ITGB1: variants seen among roughly 807,000 people sequenced by gnomAD.
ITGB1 encodes integrin beta-1.
In ITGB1, 24 loss-of-function variants were observed where a neutral mutation model predicts 86.5. The ratio of observed to expected loss-of-function variants is 0.28; its 90% CI spans 0.20 to 0.39. The LOEUF is 0.39. Ranked by LOEUF, ITGB1 falls within the 10% of genes least tolerant of loss-of-function variation. The pLI is 1.00. For missense variants in ITGB1, 556 were observed against 946.9 expected, an observed-to-expected ratio of 0.59 and a Z score of 5.42; for synonymous variants, 323 against 316.8, an observed-to-expected ratio of 1.02 and a Z score of -0.21.
chr10:32,926,226 A>AT lies in ITGB1; in HGVS notation c.548-118dup, dbSNP rs1182592376. On this transcript the variant is annotated intron_variant, in intron 5 of 15. Transcript: ENST00000302278. ...CCAAATGTAGGTTACTATGGACTGA[A>AT]TGTCTGTGTTACCCCAAAATTCCTA... is the stretch of plus-strand genomic sequence containing the variant. 52 of 762,066 alleles carry AT rather than the reference A, an allele frequency of 6.8e-5. No homozygotes were observed. In the African/African-American group the frequency reaches 8.3e-4, roughly 12 times the overall value. The allele number at this position is 762,066 out of a possible 1,614,324, so 47.2% of individuals were successfully genotyped here. A position where few individuals can be genotyped will look rare whatever the true frequency, so the allele number is the denominator to read the frequency against.
intron 1 of ITGB1, chr10:32,944,969 C>A: frequency 1.9e-6 from 2 of 1,070,968 alleles, no homozygotes; most frequent in South Asian, 1.3e-5. Context: ...AACTAAAGTT[C>A]CACAAAGAAG....
At chr10:32,927,997 AGTATGTT>A in intron 5 of ITGB1, 90 bp downstream of exon 5, 2 of 732,522 alleles carry the variant, frequency 2.7e-6, no homozygotes, top group Non-Finnish European at 4.5e-6. Context: ...TTATCTCACA[AGTATGTT>A]GTGAGTAACA....
intron 1 of ITGB1, chr10:32,953,884 GA>G (rs2095047306): frequency 1.3e-5 from 2 of 152,062 alleles, no homozygotes; most frequent in African/African-American, 4.8e-5. Flanking sequence ...CCAATCACTG[GA>G]AAAACCCAGA....
intron 3 of ITGB1, among the ~76,000 whole-genome samples, chr10:32,931,959 C>T (rs550642392): frequency 6.6e-6 from 1 of 152,086 alleles, no homozygotes; most frequent in South Asian, 2.1e-4. Context: ...AAAATCCAAA[C>T]CCTAATTAAC....
chr10:32,957,189 CAG>C (rs1259235503), intron 1 of ITGB1, among the ~76,000 whole-genome samples: 2 of 152,184 alleles, frequency 1.3e-5, no homozygotes, highest in Admixed American at 1.3e-4. Flanking sequence ...TCCTATTTCA[CAG>C]ATGAGGAAAC....
chr10:32,930,016 G>T lies in ITGB1; in HGVS notation c.182C>A (p.Ser61Tyr), dbSNP rs1186477632. ...GGCTTCTAAATCATCACATCGTGCAGAAGTAGGCATTCCTTCCTGTAAAAA... is the reference window on the plus strand; with the variant it reads ...GGCTTCTAAATCATCACATCGTGCATAAGTAGGCATTCCTTCCTGTAAAAA... ...STFLQEGMPTSARCDDLEALK... is the reference protein window; with the variant it reads ...STFLQEGMPTYARCDDLEALK... Residue 61 changes from serine (S) to tyrosine (Y), a missense_variant, in exon 4 of 16, where the codon TCT (serine) becomes TAT (tyrosine). Physicochemically the swap from Ser to Tyr is moderately radical, Grantham distance 144. Around this residue, in one of 4 missense-constraint regions of ITGB1, gnomAD observed 183 missense variants for 263.9 expected, o/e 0.69. Transcript: ENST00000302278. 3 of 919,508 alleles carry T rather than the reference G, an allele frequency of 3.3e-6. No homozygotes were observed. In the African/African-American group the frequency reaches 4.8e-5, roughly 15 times the overall value. The allele number at this position is 919,508 out of a possible 1,614,324, so 57.0% of individuals were successfully genotyped here.
intron 1 of ITGB1, among the ~76,000 whole-genome samples, chr10:32,937,165 A>G (rs1349458153): frequency 6.6e-6 from 1 of 152,230 alleles, no homozygotes; most frequent in Non-Finnish European, 1.5e-5. Flanking sequence ...TATTCACAAG[A>G]GCAAAAATGT....
At chr10:32,910,823 G>T (rs530466597) in intron 13 of ITGB1, among the ~76,000 whole-genome samples, 3 of 151,998 alleles carry the variant, frequency 2.0e-5, no homozygotes, top group Admixed American at 6.6e-5. Flanking sequence ...TTGGCTCACT[G>T]TAACCTCTGC....
At chr10:32,911,358 T>C (rs531620730) in intron 13 of ITGB1, 90 bp downstream of exon 13, 254 of 1,081,722 alleles carry the variant, frequency 2.3e-4, no homozygotes, top group Non-Finnish European at 3.4e-4. Context: ...TATATTTTAA[T>C]ATTGGCACTG....
intron 4 of ITGB1, among the ~76,000 whole-genome samples, chr10:32,928,931 G>A (rs1175423315): frequency 6.6e-6 from 1 of 151,964 alleles, no homozygotes; most frequent in Non-Finnish European, 1.5e-5. Flanking sequence ...ATTTTAACTT[G>A]TAGTTTTCTC....
chr10:32,933,951 C>A (rs1049354907), intron 2 of ITGB1, among the ~76,000 whole-genome samples: 2 of 152,080 alleles, frequency 1.3e-5, no homozygotes, highest in Admixed American at 6.6e-5. Flanking sequence ...GTGCACAGTT[C>A]ACACATGCTT....
intron 11 of ITGB1, among the ~76,000 whole-genome samples, chr10:32,917,524 T>C (rs2094935810): frequency 6.6e-6 from 1 of 152,054 alleles, no homozygotes; most frequent in Non-Finnish European, 1.5e-5. Flanking sequence ...CACCAAAAAG[T>C]GGGAGAAGGA....
chr10:32,938,060 T>C (rs563346592), intron 1 of ITGB1, among the ~76,000 whole-genome samples: 247 of 152,380 alleles, frequency 1.6e-3, no homozygotes, highest in African/African-American at 5.1e-3. Flanking sequence ...ATGCCTGAGC[T>C]TGCAGTTTTG....
chr10:32,928,421 TG>T (rs1265158250), intron 4 of ITGB1, among the ~76,000 whole-genome samples, 157 bp from the exon 5 acceptor site: 2 of 152,358 alleles, frequency 1.3e-5, no homozygotes, highest in East Asian at 3.9e-4. Flanking sequence ...AGTAACTCAA[TG>T]GGTATGTATT....
intron 1 of ITGB1, among the ~76,000 whole-genome samples, chr10:32,947,883 A>G (rs777168010): frequency 2.5e-4 from 38 of 152,220 alleles, no homozygotes; most frequent in Non-Finnish European, 4.4e-4. Flanking sequence ...GATACACATA[A>G]AACATTTAAA....
chr10:32,930,466 G>T (rs184783874), intron 3 of ITGB1, among the ~76,000 whole-genome samples: 3 of 152,036 alleles, frequency 2.0e-5, no homozygotes, highest in Non-Finnish European at 4.4e-5. Flanking sequence ...TCTCCCCATC[G>T]CAATATGCTG....
chr10:32,937,425 A>G (rs1007752882), intron 1 of ITGB1, among the ~76,000 whole-genome samples: 1 of 152,048 alleles, frequency 6.6e-6, no homozygotes, highest in East Asian at 1.9e-4. Flanking sequence ...GTGTGGTGGC[A>G]TACTCCTGTA....
chr10:32,929,267 A>C (rs1267331354), intron 4 of ITGB1, among the ~76,000 whole-genome samples: 1 of 151,862 alleles, frequency 6.6e-6, no homozygotes, highest in Non-Finnish European at 1.5e-5. Flanking sequence ...GAGCTTTGCT[A>C]GAGCAGGATG....
At chr10:32,939,461 C>G (rs552159300) in intron 1 of ITGB1, among the ~76,000 whole-genome samples, 3 of 152,162 alleles carry the variant, frequency 2.0e-5, no homozygotes, top group Non-Finnish European at 4.4e-5. Flanking sequence ...TTACACAAAC[C>G]GAGATGGTGT....
Sources: gnomAD v4.1 joint callset for allele counts (sites outside exome capture counted in the v4.1 genomes callset) on GRCh38, gnomAD v4.1.1 for gene constraint, gnomAD v4.1.1 regional missense constraint, MANE v1.5 for transcripts, NCBI Gene and HGNC (gene_info 2026-07-23, HGNC 2026-07-21) for gene names.